LYPLAL1: variants seen among roughly 807,000 people sequenced by gnomAD.
LYPLAL1 encodes the protein lysophospholipase like 1.
A neutral mutation model predicts 19.7 loss-of-function variants in LYPLAL1; 23 were observed. The observed-to-expected ratio is 1.17, with a 90% CI of 0.84 to 1.65. The LOEUF (loss-of-function observed/expected upper bound fraction) is 1.65. LYPLAL1 is among the 40% of genes most tolerant of loss of function. The probability of loss-of-function intolerance (pLI) is 0.00; values close to 1 mark genes in which losing one functional copy is unlikely to be tolerated. For missense variants in LYPLAL1, 355 were observed against 279.4 expected (o/e 1.27, Z -1.93); for synonymous variants, 119 against 96.3 (o/e 1.24, Z -1.38).
At chr1:219,300,861 G>C in the LYPLAL1 span, among the ~76,000 whole-genome samples, 3 of 152,086 alleles carry the variant, frequency 2.0e-5, no homozygotes, top group Admixed American at 2.0e-4. Context: ...AATGTCCTGA[G>C]AGTTCAGAAT....
At chr1:219,328,837 G>A in the LYPLAL1 span, among the ~76,000 whole-genome samples, 1 of 152,010 alleles carries the variant, frequency 6.6e-6, no homozygotes, top group Non-Finnish European at 1.5e-5. Flanking sequence ...ACCATTCTAA[G>A]TTTGAATACC....
chr1:219,276,280 G>A, the LYPLAL1 span, among the ~76,000 whole-genome samples: 1 of 151,998 alleles, frequency 6.6e-6, no homozygotes, highest in East Asian at 1.9e-4. Context: ...TTCAGGAAAT[G>A]AAGGCCTAAT....
chr1:219,415,768 T>C, the LYPLAL1 span, among the ~76,000 whole-genome samples: 1 of 152,218 alleles, frequency 6.6e-6, no homozygotes, highest in Non-Finnish European at 1.5e-5. Flanking sequence ...AGCAGGGCCA[T>C]GTTCCCTCTG....
At chr1:219,431,975 T>C in the LYPLAL1 span, among the ~76,000 whole-genome samples, 1 of 152,200 alleles carries the variant, frequency 6.6e-6, no homozygotes, top group Non-Finnish European at 1.5e-5. Flanking sequence ...ATGTAGAGTG[T>C]TTAAGTACAG....
chr1:219,237,912 A>G, the LYPLAL1 span, among the ~76,000 whole-genome samples: 1 of 152,214 alleles, frequency 6.6e-6, no homozygotes, highest in African/African-American at 2.4e-5. Flanking sequence ...TCCCTGGCCT[A>G]GACAAGTTGC....
chr1:219,275,996 A>G, the LYPLAL1 span, among the ~76,000 whole-genome samples: 1 of 152,196 alleles, frequency 6.6e-6, no homozygotes, highest in African/African-American at 2.4e-5. Context: ...GTGATCTTTT[A>G]CCTTGACTAG....
the LYPLAL1 span, among the ~76,000 whole-genome samples, chr1:219,343,813 T>C: frequency 6.6e-6 from 1 of 152,172 alleles, no homozygotes; most frequent in African/African-American, 2.4e-5. Context: ...AGCTCCTTCA[T>C]CTTCCTTCTC....
chr1:219,261,207 A>G, the LYPLAL1 span, among the ~76,000 whole-genome samples: 1 of 152,182 alleles, frequency 6.6e-6, no homozygotes, highest in South Asian at 2.1e-4. Context: ...TTACATTTTT[A>G]TATGGTTATT....
the LYPLAL1 span, among the ~76,000 whole-genome samples, chr1:219,219,589 A>T: frequency 1.3e-5 from 2 of 152,326 alleles, no homozygotes; most frequent in Non-Finnish European, 2.9e-5. Flanking sequence ...GCCCAGGGGC[A>T]TTCCTGTGCT....
chr1:219,443,154 T>C, the LYPLAL1 span, among the ~76,000 whole-genome samples: 1 of 152,078 alleles, frequency 6.6e-6, no homozygotes, highest in South Asian at 2.1e-4. Flanking sequence ...TGAAGCAAGG[T>C]TATTCTCTTG....
At chr1:219,274,657 TA>T in the LYPLAL1 span, among the ~76,000 whole-genome samples, 1 of 152,176 alleles carries the variant, frequency 6.6e-6, no homozygotes, top group African/African-American at 2.4e-5. Context: ...GTGCTTTGAT[TA>T]CAGGCATGAG....
At chr1:219,285,363 G>A in the LYPLAL1 span, among the ~76,000 whole-genome samples, 1 of 152,132 alleles carries the variant, frequency 6.6e-6, no homozygotes. Flanking sequence ...AATTGCACTG[G>A]AAATAAATGA....
the LYPLAL1 span, among the ~76,000 whole-genome samples, chr1:219,297,715 T>C: frequency 2.0e-5 from 3 of 152,328 alleles, no homozygotes; most frequent in South Asian, 6.2e-4. Context: ...GGTTGGATCC[T>C]TGAACAGACT....
intron 3 of LYPLAL1, chr1:219,200,220 T>A: frequency 3.9e-6 from 1 of 256,156 alleles, no homozygotes; most frequent in Admixed American, 4.0e-5. Context: ...TAAATGGTGC[T>A]TATCTCGAGC....
chr1:219,265,187 T>C, the LYPLAL1 span, among the ~76,000 whole-genome samples: 579 of 152,324 alleles, frequency 3.8e-3, 5 homozygotes, highest in Non-Finnish European at 5.0e-3. Context: ...TAGCACTCTC[T>C]ATAATTTTCT....
At chr1:219,310,758 A>AC in the LYPLAL1 span, among the ~76,000 whole-genome samples, 6 of 152,334 alleles carry the variant, frequency 3.9e-5, no homozygotes, top group African/African-American at 1.4e-4. Context: ...TATGGGAAAA[A>AC]CGAACAATAC....
the LYPLAL1 span, among the ~76,000 whole-genome samples, chr1:219,304,462 T>G: frequency 6.6e-6 from 1 of 152,240 alleles, no homozygotes; most frequent in Non-Finnish European, 1.5e-5. Context: ...ATCTGGTATG[T>G]CATCAAAAGC....
chr1:219,429,409 G>A, the LYPLAL1 span, among the ~76,000 whole-genome samples: 1 of 152,174 alleles, frequency 6.6e-6, no homozygotes, highest in African/African-American at 2.4e-5. Context: ...TGTAGTCCCA[G>A]CTCTTTGGGA....
At chr1:219,178,874 A>T (rs1656030544) in intron 1 of LYPLAL1, among the ~76,000 whole-genome samples, 1 of 144,504 alleles carries the variant, frequency 6.9e-6, no homozygotes. Context: ...TACCCACTAA[A>T]CAAATTAGGT....
Sources: gnomAD v4.1 joint callset for allele counts (sites outside exome capture counted in the v4.1 genomes callset) on GRCh38, gnomAD v4.1.1 for gene constraint, MANE v1.5 for transcripts, NCBI Gene and HGNC (gene_info 2026-07-23, HGNC 2026-07-21) for gene names.